Variants in CSMD2 observed in about 807,000 individuals in gnomAD.
CSMD2 encodes CUB and Sushi multiple domains 2.
Under a neutral mutation model 398.5 loss-of-function variants are expected in CSMD2, and 130 were observed. The observed-to-expected ratio is 0.33, with a 90% CI of 0.28 to 0.38. The LOEUF (loss-of-function observed/expected upper bound fraction) is 0.38. CSMD2 is among the 10% of genes least tolerant of loss of function. The pLI is 1.00. For missense variants in CSMD2, 3,829 were observed against 4,764.9 expected (o/e 0.80, Z 5.78); for synonymous variants, 1,828 against 1,908.5 (o/e 0.96, Z 1.10).
At chr1:34,036,013 G>A (rs1479849921) in intron 2 of CSMD2, among the ~76,000 whole-genome samples, 1 of 151,976 alleles carries the variant, frequency 6.6e-6, no homozygotes, top group Admixed American at 6.6e-5. Context: ...CTATAGTCAC[G>A]ATACCCAATG....
intron 14 of CSMD2, among the ~76,000 whole-genome samples, chr1:33,741,440 C>A (rs1035713041): frequency 6.6e-6 from 1 of 152,106 alleles, no homozygotes; most frequent in Non-Finnish European, 1.5e-5. Context: ...GATTCTGGGG[C>A]CCCATCCCTT....
At chr1:33,535,657 TG>T (rs1304794008) in intron 62 of CSMD2, among the ~76,000 whole-genome samples, 1 of 152,244 alleles carries the variant, frequency 6.6e-6, no homozygotes, top group East Asian at 1.9e-4. Flanking sequence ...AGGACCAAGC[TG>T]TTTTCCAACC....
chr1:33,847,032 G>A, intron 5 of CSMD2, 36 bp from the exon 6 acceptor site: 3 of 1,421,226 alleles, frequency 2.1e-6, no homozygotes, highest in Non-Finnish European at 3.0e-6. Context: ...TCAGGGACCA[G>A]AGCTGAGTGG....
intron 5 of CSMD2, among the ~76,000 whole-genome samples, chr1:33,890,416 G>A (rs1641924349): frequency 6.6e-6 from 1 of 152,118 alleles, no homozygotes; most frequent in Non-Finnish European, 1.5e-5. Context: ...ATTTTTAGTA[G>A]AGACGGGGTT....
chr1:34,052,623 A>T (rs1653337200), intron 2 of CSMD2, among the ~76,000 whole-genome samples: 1 of 151,784 alleles, frequency 6.6e-6, no homozygotes, highest in Non-Finnish European at 1.5e-5. Context: ...AACACAGCTC[A>T]TTTATATGTG....
intron 24 of CSMD2, among the ~76,000 whole-genome samples, chr1:33,697,290 G>A (rs1482850244): frequency 6.6e-6 from 1 of 152,146 alleles, no homozygotes; most frequent in East Asian, 1.9e-4. Flanking sequence ...CCTGAGATCT[G>A]CTCTTCTCTG....
intron 1 of CSMD2, chr1:34,113,130 T>C (rs1360303126): frequency 6.6e-6 from 1 of 152,236 alleles, no homozygotes; most frequent in African/African-American, 2.4e-5. Context: ...GAGTCACTCA[T>C]GGCTCAGACT....
chr1:33,519,754 C>T lies in CSMD2; in HGVS notation c.10736+58G>A. 6.2e-7 allele frequency: 1 copy of T among 1,612,734 alleles called. No homozygotes were observed. The highest frequency in any genetic ancestry group is 1.3e-5 in the African/African-American group (1 of 74,960). On this transcript the variant is annotated intron_variant, in intron 69 of 70. Coordinates refer to ENST00000373381, the MANE Select transcript of CSMD2 (RefSeq NM_001281956.2). This position sits in a 1 kb window ranked among gnomAD's most constrained non-coding sequence, Gnocchi z 5.6. ...GCTTAGGGGTCTGGTGCGGGGGGCC[C>T]TGGAGGGAGAGAGGGAGGCCTGCCT... is the stretch of plus-strand genomic sequence containing the variant.
intron 65 of CSMD2, among the ~76,000 whole-genome samples, chr1:33,526,097 T>C (rs1305457498): frequency 6.6e-6 from 1 of 152,216 alleles, no homozygotes. Context: ...TAGAATAACA[T>C]CACATTGTAC....
At position 33,605,463 on chromosome 1, in the gene CSMD2, T is replaced by A. The variant is rs374545724; in HGVS notation, c.6351A>T (p.Glu2117Asp). 8.4e-5 allele frequency: 136 copies of A among 1,613,906 alleles called. No homozygotes were observed. The highest frequency in any genetic ancestry group is 1.1e-4 in the Non-Finnish European group (133 of 1,179,970). The change falls in exon 42 of 71, where the codon GAA becomes GAT. Residue 2117 changes from glutamate to aspartate, a missense_variant. Physicochemically the swap from Glu to Asp is conservative, Grantham distance 45 (BLOSUM62 2). Coordinates refer to ENST00000373381, the MANE Select transcript of CSMD2 (RefSeq NM_001281956.2). ...PGFKLEYQAYELQECPDPEPF... is the reference protein window; with the variant it reads ...PGFKLEYQAYDLQECPDPEPF... ...GCTCTGGGTCTGGGCACTCTTGAAGTTCATAGGCTGGAAAAGATCCGGAGA... is the reference window on the plus strand; with the variant it reads ...GCTCTGGGTCTGGGCACTCTTGAAGATCATAGGCTGGAAAAGATCCGGAGA...
chr1:33,658,832 C>G, intron 26 of CSMD2, among the ~76,000 whole-genome samples: 1 of 152,128 alleles, frequency 6.6e-6, no homozygotes, highest in Admixed American at 6.5e-5. Context: ...TCACTGCACT[C>G]GAGTGTGGGT....
intron 57 of CSMD2, 102 bp from the exon 58 acceptor site, chr1:33,542,998 T>A (rs1193903511): frequency 7.6e-6 from 7 of 921,888 alleles, no homozygotes; most frequent in South Asian, 7.1e-5. Context: ...CCTCGGGACC[T>A]CGTGGATAGA....
intron 3 of CSMD2, among the ~76,000 whole-genome samples, chr1:33,947,978 T>C (rs1284313426): frequency 6.6e-6 from 1 of 152,218 alleles, no homozygotes; most frequent in Non-Finnish European, 1.5e-5. Context: ...CTAGTCAGCC[T>C]GACTTTGGCA....
chr1:34,062,829 C>A (rs1048885792), intron 2 of CSMD2, among the ~76,000 whole-genome samples: 2 of 152,174 alleles, frequency 1.3e-5, no homozygotes, highest in South Asian at 2.1e-4. Flanking sequence ...ATGGCCAAAC[C>A]CTTATGGGCA....
chr1:33,875,956 T>C (rs1257928521), intron 5 of CSMD2, among the ~76,000 whole-genome samples: 1 of 152,168 alleles, frequency 6.6e-6, no homozygotes, highest in Non-Finnish European at 1.5e-5. Context: ...GTGAAATTGT[T>C]TATGGTCAAC....
Position 33,571,722 on chromosome 1 carries a change from C to A in CSMD2, c.7767G>T (p.Val2589=). Residue 2589 remains valine, a synonymous_variant, in exon 51 of 71, where the codon GTG becomes GTT. Coordinates refer to ENST00000373381, the MANE Select transcript of CSMD2 (RefSeq NM_001281956.2). ...TGATGCTACTGACATCAGGACAAGT[C>A]ACAGCTGGGGAAATGAGGAAAAGAA... ...NRNVPPQCVP[V]TCPDVSSISV... 1 of 1,481,762 alleles carries A rather than the reference C, an allele frequency of 6.7e-7. No homozygotes were observed. Among genetic ancestry groups the A allele is most frequent in the South Asian group, 1.5e-5 (1 of 68,172 alleles). The allele number at this position is 1,481,762 out of a possible 1,614,324, so 91.8% of individuals were successfully genotyped here.
At chr1:34,159,100 G>C (rs1003969398) in intron 1 of CSMD2, among the ~76,000 whole-genome samples, 5 of 152,160 alleles carry the variant, frequency 3.3e-5, no homozygotes, top group African/African-American at 9.7e-5. Context: ...AGCTCTGACT[G>C]TCTCATCAGC....
rs114376375 is a variant in CSMD2 at position 34,089,885 on chromosome 1, T to C, written c.188-692A>G. Among the ~76,000 whole-genome samples, 577 of 152,244 alleles carry C rather than the reference T, an allele frequency of 3.8e-3. 5 individuals are homozygous for C. The highest frequency in any genetic ancestry group is 0.013 in the African/African-American group (554 of 41,548). The stretch of plus-strand genomic sequence containing the variant: ...AGAAAAAAATTCCCTACCCCACTCC[T>C]CGTCTCCCTCCAGCCTTGTCTCTCT... On this transcript the variant is annotated intron_variant, in intron 1 of 70. Transcript: ENST00000373381.
At chr1:34,000,830 A>C (rs1274857028) in intron 3 of CSMD2, among the ~76,000 whole-genome samples, 1 of 152,200 alleles carries the variant, frequency 6.6e-6, no homozygotes, top group African/African-American at 2.4e-5. Context: ...AGGACCTAAA[A>C]GAAAAATTGT....
Sources: allele counts gnomAD v4.1 joint callset (sites outside exome capture counted in the v4.1 genomes callset), GRCh38; gene constraint gnomAD v4.1.1; non-coding constraint Gnocchi (gnomAD v3.1); transcripts MANE v1.5; gene names NCBI Gene and HGNC (gene_info 2026-07-23, HGNC 2026-07-21).